The following C10orf67 variants were observed in gnomAD, a reference collection of about 807,000 sequenced individuals.
The protein encoded by C10orf67 is uncharacterized protein C10orf67, mitochondrial.
In C10orf67, 60 loss-of-function variants were observed where a neutral mutation model predicts 35.6. That is an observed-to-expected ratio of 1.68 (90% confidence interval 1.37 to 2.09). C10orf67 has a LOEUF of 2.09. Among genes scored for constraint, C10orf67 ranks in the 30% most tolerant of loss-of-function variants. The pLI is 0.00. For synonymous variants in C10orf67, 167 were observed against 115.8 expected (o/e 1.44, Z -2.84); for missense variants, 474 against 330.2 (o/e 1.44, Z -3.38).
intron 13 of C10orf67, among the ~76,000 whole-genome samples, chr10:23,224,501 G>T (rs117568396): frequency 1.3e-5 from 2 of 152,126 alleles, no homozygotes; most frequent in South Asian, 4.1e-4. Flanking sequence ...TCAGCTCCTC[G>T]CCAGCAATGG....
intron 5 of C10orf67, among the ~76,000 whole-genome samples, chr10:23,291,528 G>A (rs1343174047): frequency 1.3e-5 from 2 of 152,202 alleles, no homozygotes; most frequent in East Asian, 3.9e-4. Flanking sequence ...TACTGTTTGT[G>A]TGCCCTCATC....
intron 10 of C10orf67, among the ~76,000 whole-genome samples, 195 bp downstream of exon 10, chr10:23,266,067 C>T (rs1416890940): frequency 6.6e-6 from 1 of 152,204 alleles, no homozygotes; most frequent in African/African-American, 2.4e-5. Flanking sequence ...GCTGGGCATA[C>T]TGATGACTTC....
intron 15 of C10orf67, among the ~76,000 whole-genome samples, chr10:23,218,325 T>G (rs1841485744): frequency 6.6e-6 from 1 of 150,616 alleles, no homozygotes; most frequent in Non-Finnish European, 1.5e-5. Flanking sequence ...TTTTTTTTTT[T>G]TTTGTAGAGA....
At chr10:23,219,683 A>ATT (rs957909471) in intron 15 of C10orf67, among the ~76,000 whole-genome samples, 1 of 152,142 alleles carries the variant, frequency 6.6e-6, no homozygotes, top group Admixed American at 6.5e-5. Context: ...TCTGTTTAGA[A>ATT]TTTTTAGAAC....
chr10:23,219,331 A>G (rs1841514762), intron 15 of C10orf67, among the ~76,000 whole-genome samples: 1 of 152,126 alleles, frequency 6.6e-6, no homozygotes, highest in African/African-American at 2.4e-5. Context: ...TTGAGGTTTT[A>G]TCTGTAAGAT....
At chr10:23,304,189 C>T (rs1295804762) in intron 4 of C10orf67, among the ~76,000 whole-genome samples, 1 of 152,098 alleles carries the variant, frequency 6.6e-6, no homozygotes, top group East Asian at 1.9e-4. Flanking sequence ...CCTATTTGTG[C>T]CTTCAGAAGC....
At position 23,226,591 on chromosome 10, in the gene C10orf67, G is replaced by T. The variant is rs374193442; in HGVS notation, c.1435-2773C>A. On this transcript the variant is annotated intron_variant, in intron 13 of 15. Coordinates refer to ENST00000636213, the MANE Select transcript of C10orf67 (RefSeq NM_001371909.1). ...AGAAGACAAGAAATAACTAAGATCA[G>T]AGCAGAACTGAAGGAGATACAGACG... 5.3e-5 allele frequency among the ~76,000 whole-genome samples: 8 copies of T among 152,054 alleles called. No homozygotes were observed. In the East Asian group the frequency reaches 9.6e-4, roughly 18 times the overall value.
intron 10 of C10orf67, among the ~76,000 whole-genome samples, chr10:23,254,485 G>A (rs934466902): frequency 1.4e-5 from 2 of 146,402 alleles, no homozygotes; most frequent in Non-Finnish European, 3.1e-5. Flanking sequence ...GCTGGGATTA[G>A]AGGCATGAGC....
At chr10:23,215,262 T>C (rs11013324) in intron 15 of C10orf67, among the ~76,000 whole-genome samples, 5,735 of 152,114 alleles carry the variant, frequency 0.038, 336 homozygotes, top group African/African-American at 0.13. Flanking sequence ...TAGGTCCAAT[T>C]TGACAAATTT....
At chr10:23,322,232 G>T (rs1844983260) in intron 3 of C10orf67, among the ~76,000 whole-genome samples, 162 bp downstream of exon 3, 1 of 148,060 alleles carries the variant, frequency 6.8e-6, no homozygotes, top group Non-Finnish European at 1.5e-5. Context: ...ACTTACACAA[G>T]TCCCTGACAC....
Position 23,305,826 on chromosome 10 carries a change from G to T in C10orf67, c.547-2367C>A, listed in dbSNP as rs1270184262. 2.0e-5 allele frequency among the ~76,000 whole-genome samples: 3 copies of T among 152,102 alleles called. No homozygotes were observed. In the East Asian group the frequency reaches 5.8e-4, roughly 29 times the overall value. On this transcript the variant is annotated intron_variant, in intron 4 of 15. Coordinates refer to ENST00000636213, the MANE Select transcript of C10orf67 (RefSeq NM_001371909.1). ...TATGATCCAGCTATCCTACTTCTGG[G>T]TATATATTCAAAGGAAATAAAATCA...
intron 8 of C10orf67, among the ~76,000 whole-genome samples, chr10:23,278,335 T>C (rs1024870797): frequency 6.6e-6 from 1 of 152,246 alleles, no homozygotes; most frequent in African/African-American, 2.4e-5. Context: ...GTGTATTGTA[T>C]AGCTGTGTCA....
chr10:23,315,986 G>T (rs1366996459), intron 4 of C10orf67, among the ~76,000 whole-genome samples: 1 of 152,118 alleles, frequency 6.6e-6, no homozygotes, highest in African/African-American at 2.4e-5. Flanking sequence ...GCTGTCACAG[G>T]ATCCTTGGGG....
At chr10:23,323,940 T>TACAC (rs1845078476) in intron 2 of C10orf67, among the ~76,000 whole-genome samples, 2 of 59,070 alleles carry the variant, frequency 3.4e-5, no homozygotes, top group African/African-American at 1.8e-4. Context: ...TATATATATA[T>TACAC]ATATATATAT....
intron 10 of C10orf67, among the ~76,000 whole-genome samples, chr10:23,261,276 C>A (rs980267688): frequency 6.6e-6 from 1 of 152,188 alleles, no homozygotes; most frequent in African/African-American, 2.4e-5. Flanking sequence ...GATTCCCACA[C>A]TAAAATTGCT....
At chr10:23,237,950 C>T (rs1244716976) in intron 13 of C10orf67, among the ~76,000 whole-genome samples, 1 of 152,208 alleles carries the variant, frequency 6.6e-6, no homozygotes, top group South Asian at 2.1e-4. Context: ...ATTATCATAG[C>T]AAACTTTTTC....
intron 4 of C10orf67, among the ~76,000 whole-genome samples, chr10:23,306,078 A>G (rs1217466002): frequency 6.6e-6 from 1 of 152,190 alleles, no homozygotes; most frequent in African/African-American, 2.4e-5. Context: ...TTTTTCAGCC[A>G]TAAAAAGAAG....
Position 23,333,078 on chromosome 10 carries a change from G to A in C10orf67, c.311C>T (p.Thr104Met), listed in dbSNP as rs368235615. 2.7e-5 allele frequency: 44 copies of A among 1,611,998 alleles called. No homozygotes were observed. Among genetic ancestry groups the A allele is most frequent in the Middle Eastern group, 3.3e-4 (2 of 6,048 alleles). Residue 104 changes from threonine (T) to methionine (M), a missense_variant, in exon 2 of 16, where the codon ACG (threonine) becomes ATG (methionine). Thr to Met is a moderately conservative substitution (Grantham distance 81). Coordinates refer to ENST00000636213, the MANE Select transcript of C10orf67 (RefSeq NM_001371909.1). ...CAGATTTACCTGTGCTAACTTTTGC[G>A]TAGATGAACTCAATTCTTTTACTGA... ...ILSVKELSSS[T>M]QKLAQMMKSL...
intron 8 of C10orf67, among the ~76,000 whole-genome samples, chr10:23,279,006 C>A (rs749197788): frequency 6.6e-6 from 1 of 152,150 alleles, no homozygotes; most frequent in Non-Finnish European, 1.5e-5. Flanking sequence ...AATCCCAACA[C>A]TTTAGGAGGC....
Sources: allele counts gnomAD v4.1 joint callset (sites outside exome capture counted in the v4.1 genomes callset), GRCh38; gene constraint gnomAD v4.1.1; transcripts MANE v1.5; gene names NCBI Gene and HGNC (gene_info 2026-07-23, HGNC 2026-07-21).